PDE4A: variants seen among roughly 807,000 people sequenced by gnomAD.
The protein encoded by PDE4A is phosphodiesterase 4A.
A neutral mutation model predicts 73.9 loss-of-function variants in PDE4A; 21 were observed. The ratio of observed to expected loss-of-function variants is 0.28; its 90% CI spans 0.20 to 0.41. The LOEUF is 0.41. PDE4A is among the 10% of genes least tolerant of loss of function. The pLI is 1.00. For missense variants in PDE4A, 958 were observed against 1,211.4 expected (o/e 0.79, Z 3.10); for synonymous variants, 463 against 505.4 (o/e 0.92, Z 1.13).
At chr19:10,442,290 G>A (rs1408153965) in intron 1 of PDE4A, among the ~76,000 whole-genome samples, 3 of 152,012 alleles carry the variant, frequency 2.0e-5, no homozygotes, top group Non-Finnish European at 2.9e-5. Context: ...TTGGGAGGCT[G>A]AGGTGGGCAG....
chr19:10,417,056 G>A, upstream of PDE4A: 1 of 1,518,864 alleles, frequency 6.6e-7, no homozygotes, highest in Non-Finnish European at 8.8e-7. Context: ...GCGCCCTCTA[G>A]TGACCACGGC....
At chr19:10,459,328 A>G (rs1385189952) in intron 8 of PDE4A, 72 bp from the exon 9 acceptor site, 1 of 1,608,240 alleles carries the variant, frequency 6.2e-7, no homozygotes, top group Non-Finnish European at 8.5e-7. Flanking sequence ...CCAAGGCTTC[A>G]AACTCCTAGG....
chr19:10,467,462 G>A lies in PDE4A; in HGVS notation c.2502G>A (p.Pro834=), dbSNP rs199868672. 2.0e-5 allele frequency: 33 copies of A among 1,612,916 alleles called. No homozygotes were observed. Among genetic ancestry groups the A allele is most frequent in the Non-Finnish European group, 2.6e-5 (31 of 1,179,748 alleles). ...WRTLSVSEHA[P]GLPGLPSTAA... ...CCCTGTCTGTTTCAGAGCATGCCCC[G>A]GGCCTCCCGGGCCTCCCCTCCACGG... Residue 834 remains proline, a synonymous_variant, in exon 15 of 15, where the codon CCG becomes CCA. Transcript: ENST00000380702.
At position 10,469,611 on chromosome 19, in the gene PDE4A, T is replaced by C. The variant is rs543750990; in HGVS notation, c.*1990T>C. On this transcript the variant is annotated 3_prime_UTR_variant, in exon 15 of 15. Coordinates refer to ENST00000380702, the MANE Select transcript of PDE4A (RefSeq NM_001111307.2). ...ATAATCCTTCGATCTTGTCTCCAAT[T>C]AAACCGAGGCTTTCACCGATTTTCC... 6.6e-6 allele frequency: 1 copy of C among 152,486 alleles called. No homozygotes were observed. The highest frequency in any genetic ancestry group is 2.1e-4 in the South Asian group (1 of 4,830). 9.4% of individuals were successfully genotyped at this position (152,486 alleles called of 1,614,324 possible). A position where few individuals can be genotyped will look rare whatever the true frequency, so the allele number is the denominator to read the frequency against.
intron 1 of PDE4A, among the ~76,000 whole-genome samples, chr19:10,443,418 G>A (rs1395089845): frequency 6.6e-6 from 1 of 152,014 alleles, no homozygotes; most frequent in Non-Finnish European, 1.5e-5. Flanking sequence ...GGTGGCATGT[G>A]CCTGTAGACC....
At position 10,467,594 on chromosome 19, in the gene PDE4A, CG is replaced by C. The variant is rs2144541140; in HGVS notation, c.2640del (p.Ser881GlnfsTer92). The C allele has an allele frequency of 5.7e-6, 9 of 1,584,610 alleles. No homozygotes were observed. Among genetic ancestry groups the C allele is most frequent in the Non-Finnish European group, 7.7e-6 (9 of 1,162,998 alleles). ...CATCCGCACTCCCAGCTCCTGGTGG[CG>C]GGGGGTCAGGTGGAGACCCTACCTG... ...DTSALPAPGG[G>X]GSGGDPT On this transcript the variant is annotated frameshift_variant, in exon 15 of 15. Coordinates refer to ENST00000380702, the MANE Select transcript of PDE4A (RefSeq NM_001111307.2). LOFTEE classifies it high-confidence loss of function.
intron 1 of PDE4A, among the ~76,000 whole-genome samples, chr19:10,433,301 T>C (rs1003470155): frequency 1.3e-5 from 2 of 151,944 alleles, no homozygotes; most frequent in South Asian, 2.1e-4. Context: ...ACAGCAACCC[T>C]GGCCCAGCCC....
At position 10,463,883 on chromosome 19, in the gene PDE4A, G is replaced by A. The variant is rs1157844702; in HGVS notation, c.1834G>A (p.Glu612Lys). 1 of 1,614,156 alleles carries A rather than the reference G, an allele frequency of 6.2e-7. No individual in the cohort carries two copies. Among genetic ancestry groups the A allele is most frequent in the Non-Finnish European group, 8.5e-7 (1 of 1,180,026 alleles). Residue 612 changes from glutamate (E) to lysine (K), a missense_variant, in exon 14 of 15, where the codon GAG becomes AAG. Coordinates refer to ENST00000380702, the MANE Select transcript of PDE4A (RefSeq NM_001111307.2). Reference protein sequence around the residue: ...YRQWTDRIMAEFFQQGDRERE... With the variant: ...YRQWTDRIMAKFFQQGDRERE... ...CCAGTGGACAGACCGCATCATGGCC[G>A]AGTTCTTCCAGCAGGGTGACCGAGA...
intron 1 of PDE4A, among the ~76,000 whole-genome samples, chr19:10,426,785 A>C (rs761863824): frequency 1.3e-5 from 2 of 151,672 alleles, no homozygotes; most frequent in Non-Finnish European, 2.9e-5. Context: ...GGAGGATTGC[A>C]TGAACCCAGG....
chr19:10,455,163 C>T (rs2043150838), intron 7 of PDE4A, among the ~76,000 whole-genome samples: 1 of 152,176 alleles, frequency 6.6e-6, no homozygotes. Flanking sequence ...CCCTTCTAAA[C>T]TTTAAAAAGC....
intron 1 of PDE4A, among the ~76,000 whole-genome samples, chr19:10,434,855 T>G (rs1002466523): frequency 1.3e-5 from 2 of 150,858 alleles, no homozygotes; most frequent in Non-Finnish European, 2.9e-5. Flanking sequence ...CCTCCCAAAG[T>G]GCTGGGATTA....
At position 10,461,648 on chromosome 19, in the gene PDE4A, C is replaced by G; in HGVS notation, c.1588C>G (p.Arg530Gly). The change falls in exon 12 of 15, where the codon CGG becomes GGG. Residue 530 changes from arginine (R) to glycine (G), a missense_variant. Transcript: ENST00000380702. ...CTTCCAGAACCTCAGCAAGCGCCAGCGGCAGAGCCTACGCAAGATGGTCAT... is the reference window on the plus strand; with the variant it reads ...CTTCCAGAACCTCAGCAAGCGCCAGGGGCAGAGCCTACGCAAGATGGTCAT... ...DIFQNLSKRQ[R>G]QSLRKMVIDM... 7.3e-7 allele frequency: 1 copy of G among 1,377,432 alleles called. No homozygotes were observed. The allele number at this position is 1,377,432 out of a possible 1,614,324, so 85.3% of individuals were successfully genotyped here.
At position 10,424,228 on chromosome 19, in the gene PDE4A, T is replaced by C. The variant is rs2042685640; in HGVS notation, c.320+3144T>C. Among the ~76,000 whole-genome samples, 1 of 152,088 alleles carries C rather than the reference T, an allele frequency of 6.6e-6. No individual in the cohort carries two copies. The highest frequency in any genetic ancestry group is 2.4e-5 in the African/African-American group (1 of 41,414). On this transcript the variant is annotated intron_variant, in intron 1 of 14. Transcript: ENST00000380702. The surrounding 1 kb of genome is among the most constrained non-coding windows in gnomAD (Gnocchi z 4.8). ...TGGAGAGGGAGGAAGAGGAGGACTT[T>C]GGTGGTGGGGGTGGGGAGCTGTCTG...
chr19:10,427,161 G>T (rs146564035), intron 1 of PDE4A, among the ~76,000 whole-genome samples: 3 of 152,076 alleles, frequency 2.0e-5, no homozygotes, highest in Non-Finnish European at 1.5e-5. Flanking sequence ...TTAGCTGGGC[G>T]CAGTGGCAAG....
intron 14 of PDE4A, 58 bp downstream of exon 14, chr19:10,464,033 G>A (rs757690079): frequency 1.9e-6 from 3 of 1,604,146 alleles, no homozygotes; most frequent in Non-Finnish European, 2.6e-6. Context: ...GCCCATCTTG[G>A]CCTGAAGTTC....
chr19:10,423,116 G>T, intron 1 of PDE4A: 2 of 984,100 alleles, frequency 2.0e-6, no homozygotes, highest in Non-Finnish European at 2.4e-6. Flanking sequence ...TATTCCTGCT[G>T]GCATATGGAG....
intron 1 of PDE4A, among the ~76,000 whole-genome samples, chr19:10,437,988 T>A (rs2042887625): frequency 6.6e-6 from 1 of 151,548 alleles, no homozygotes; most frequent in African/African-American, 2.4e-5. Context: ...TTTTCATTTT[T>A]TGTAGAGATA....
At position 10,467,368 on chromosome 19, in the gene PDE4A, T is replaced by C; in HGVS notation, c.2408T>C (p.Val803Ala). ...PDEFSSREEF[V>A]VAVSHSSPSA... is the part of the protein sequence containing the mutation. ...GAGTTCTCGTCCCGGGAGGAATTCG[T>C]GGTTGCTGTAAGCCACAGCAGCCCC... Residue 803 changes from valine (V) to alanine (A), a missense_variant, in exon 15 of 15, where the codon GTG becomes GCG. Val to Ala is a moderately conservative substitution (Grantham distance 64). Transcript: ENST00000380702. 1 of 1,614,154 alleles carries C rather than the reference T, an allele frequency of 6.2e-7. No homozygotes were observed. The highest frequency in any genetic ancestry group is 1.6e-4 in the Middle Eastern group (1 of 6,062).
In PDE4A at chr19:10,424,532, G is replaced by T. The variant is rs929722679; in HGVS notation, c.320+3448G>T. 3.3e-5 allele frequency among the ~76,000 whole-genome samples: 5 copies of T among 152,226 alleles called. No individual in the cohort carries two copies. The highest frequency in any genetic ancestry group is 7.3e-5 in the Non-Finnish European group (5 of 68,040). On this transcript the variant is annotated intron_variant, in intron 1 of 14. Transcript: ENST00000380702. This position sits in a 1 kb window ranked among gnomAD's most constrained non-coding sequence, Gnocchi z 4.8. ...AGCCTGGGTGTGCGCTCCGAGCGCG[G>T]ACCTGCTCCAGGGACGCCGCCAGTC...
Sources: allele counts gnomAD v4.1 joint callset (sites outside exome capture counted in the v4.1 genomes callset), GRCh38; gene constraint gnomAD v4.1.1; non-coding constraint Gnocchi (gnomAD v3.1); transcripts MANE v1.5; gene names NCBI Gene and HGNC (gene_info 2026-07-23, HGNC 2026-07-21).